Variants in SLCO5A1 observed in about 807,000 individuals in gnomAD.
The protein encoded by SLCO5A1 is solute carrier organic anion transporter family member 5A1.
In SLCO5A1, 39 loss-of-function variants were observed where a neutral mutation model predicts 65.1. The ratio of observed to expected loss-of-function variants is 0.60; its 90% CI spans 0.46 to 0.78. The LOEUF is 0.78. SLCO5A1 is among the 30% of genes least tolerant of loss of function. SLCO5A1 has a pLI of 0.00. For missense variants in SLCO5A1, 1,029 were observed against 1,069.4 expected, an observed-to-expected ratio of 0.96 and a Z score of 0.53; for synonymous variants, 438 against 415.7, an observed-to-expected ratio of 1.05 and a Z score of -0.65.
Position 69,832,989 on chromosome 8 carries a change from T to G in SLCO5A1, c.-316A>C. 1.7e-5 allele frequency: 6 copies of G among 354,946 alleles called. No individual in the cohort carries two copies. Among genetic ancestry groups the G allele is most frequent in the East Asian group, 6.0e-5 (1 of 16,620 alleles). 22.0% of individuals were successfully genotyped at this position (354,946 alleles called of 1,614,324 possible). On this transcript the variant is annotated 5_prime_UTR_variant, in exon 2 of 10. An upstream start codon of the reference 5' UTR is lost. Coordinates refer to ENST00000260126, the MANE Select transcript of SLCO5A1 (RefSeq NM_030958.3). This position sits in a 1 kb window ranked among gnomAD's most constrained non-coding sequence, Gnocchi z 4.5. ...AGGCGCCTCGCGCGTCCCGGGCTCA[T>G]CCCCTCCGCCGCCGCCGCCGCCGCC...
At chr8:69,815,802 GA>G (rs1347682275) in intron 2 of SLCO5A1, among the ~76,000 whole-genome samples, 6 of 151,834 alleles carry the variant, frequency 4.0e-5, no homozygotes. Context: ...ATTAACTAAA[GA>G]AACCATGAAA....
chr8:69,800,941 A>G (rs1213519804), intron 2 of SLCO5A1, among the ~76,000 whole-genome samples: 1 of 152,232 alleles, frequency 6.6e-6, no homozygotes, highest in African/African-American at 2.4e-5. Flanking sequence ...GCCAGAAAGT[A>G]CATTCCTACC....
chr8:69,795,055 A>G (rs552683708), intron 2 of SLCO5A1, among the ~76,000 whole-genome samples: 1 of 152,326 alleles, frequency 6.6e-6, no homozygotes, highest in South Asian at 2.1e-4. Context: ...CCTGTGATCC[A>G]ATTACTTCCC....
intron 5 of SLCO5A1, among the ~76,000 whole-genome samples, chr8:69,709,189 G>A (rs1586709334): frequency 6.6e-6 from 1 of 152,188 alleles, no homozygotes; most frequent in South Asian, 2.1e-4. Context: ...ATTAGACTGG[G>A]AACAAGGCAG....
At chr8:69,818,791 T>C (rs527853321) in intron 2 of SLCO5A1, among the ~76,000 whole-genome samples, 47 of 152,124 alleles carry the variant, frequency 3.1e-4, no homozygotes, top group Non-Finnish European at 6.0e-4. Context: ...AGAAGACATA[T>C]CTGTGGCACA....
chr8:69,670,278 G>T lies in SLCO5A1; in HGVS notation c.*2591C>A, dbSNP rs1169061044. 1.3e-5 allele frequency: 2 copies of T among 152,102 alleles called. No homozygotes were observed. The highest frequency in any genetic ancestry group is 2.9e-5 in the Non-Finnish European group (2 of 68,020). 9.4% of individuals were successfully genotyped at this position (152,102 alleles called of 1,614,324 possible). A position where few individuals can be genotyped will look rare whatever the true frequency, so the allele number is the denominator to read the frequency against. ...AGGAGCTGTGACTATAAAGTAATGG[G>T]ATCAATTTATTAAGAAACATATAAG... On this transcript the variant is annotated 3_prime_UTR_variant, in exon 10 of 10. Transcript: ENST00000260126.
chr8:69,743,960 C>G, intron 4 of SLCO5A1, among the ~76,000 whole-genome samples: 1 of 152,060 alleles, frequency 6.6e-6, no homozygotes, highest in East Asian at 1.9e-4. Flanking sequence ...GAACCTGGAG[C>G]CACAGTGGAG....
intron 2 of SLCO5A1, among the ~76,000 whole-genome samples, chr8:69,802,077 A>G (rs1426247482): frequency 1.3e-5 from 2 of 152,170 alleles, no homozygotes; most frequent in African/African-American, 4.8e-5. Flanking sequence ...ACATCAGTCT[A>G]CGAGGTGATT....
At chr8:69,780,599 T>A (rs557732320) in intron 2 of SLCO5A1, among the ~76,000 whole-genome samples, 3 of 152,232 alleles carry the variant, frequency 2.0e-5, no homozygotes, top group Admixed American at 2.0e-4. Flanking sequence ...AGCTAAATAA[T>A]GTGTACACAT....
At chr8:69,824,805 C>T (rs933426851) in intron 2 of SLCO5A1, among the ~76,000 whole-genome samples, 26 of 152,166 alleles carry the variant, frequency 1.7e-4, no homozygotes, top group Non-Finnish European at 3.2e-4. Context: ...GATACCAAAG[C>T]CTGGCAGAGA....
chr8:69,682,002 A>G (rs1044232175), intron 7 of SLCO5A1, among the ~76,000 whole-genome samples, 182 bp downstream of exon 7: 5 of 151,716 alleles, frequency 3.3e-5, no homozygotes, highest in African/African-American at 4.8e-5. Flanking sequence ...TCATCCCTGG[A>G]AAAAAAAATA....
intron 6 of SLCO5A1, among the ~76,000 whole-genome samples, chr8:69,694,937 A>T (rs1414769915): frequency 6.6e-6 from 1 of 152,178 alleles, no homozygotes; most frequent in Non-Finnish European, 1.5e-5. Flanking sequence ...AAAGATGTAA[A>T]TTTCCGTCGA....
At chr8:69,710,815 GAA>G (rs1815208253) in intron 5 of SLCO5A1, among the ~76,000 whole-genome samples, 2 of 152,270 alleles carry the variant, frequency 1.3e-5, no homozygotes, top group South Asian at 4.1e-4. Flanking sequence ...GAAGACCCAT[GAA>G]AATGTTCTTC....
At chr8:69,805,645 C>A (rs1485446077) in intron 2 of SLCO5A1, among the ~76,000 whole-genome samples, 1 of 152,112 alleles carries the variant, frequency 6.6e-6, no homozygotes, top group African/African-American at 2.4e-5. Context: ...ACTTAGATTG[C>A]CAAACCAGGC....
In SLCO5A1 at chr8:69,786,945, A is replaced by T. The variant is rs147500316; in HGVS notation, c.908-25070T>A. ...AATAATTTTGGAAGAAAGAGTGAAG[A>T]TGCATTTAAAATGTTAGTAGATTGA... On this transcript the variant is annotated intron_variant, in intron 2 of 9. Coordinates refer to ENST00000260126, the MANE Select transcript of SLCO5A1 (RefSeq NM_030958.3). 2.8e-3 allele frequency among the ~76,000 whole-genome samples: 422 copies of T among 152,336 alleles called. 3 individuals carry two copies. Among genetic ancestry groups the T allele is most frequent in the African/African-American group, 7.8e-3 (323 of 41,574 alleles).
intron 2 of SLCO5A1, among the ~76,000 whole-genome samples, chr8:69,787,569 T>C (rs911501655): frequency 1.3e-5 from 2 of 152,144 alleles, no homozygotes; most frequent in Admixed American, 6.6e-5. Context: ...TTATGTAACA[T>C]CCCAATGAAG....
At chr8:69,708,148 G>A (rs933982098) in intron 5 of SLCO5A1, among the ~76,000 whole-genome samples, 1 of 152,178 alleles carries the variant, frequency 6.6e-6, no homozygotes, top group Non-Finnish European at 1.5e-5. Flanking sequence ...AGCCACAGAG[G>A]CCAGAGGAAA....
At chr8:69,710,995 T>C (rs990840563) in intron 5 of SLCO5A1, among the ~76,000 whole-genome samples, 7 of 134,380 alleles carry the variant, frequency 5.2e-5, no homozygotes, top group African/African-American at 2.0e-4. Flanking sequence ...GGTCGGACAG[T>C]TCAGAGCCTT....
At chr8:69,680,374 G>A (rs939428162) in intron 7 of SLCO5A1, among the ~76,000 whole-genome samples, 3 of 152,172 alleles carry the variant, frequency 2.0e-5, no homozygotes, top group Non-Finnish European at 4.4e-5. Flanking sequence ...TTATAAGTGA[G>A]AACATGCGGT....
Sources: gnomAD v4.1 joint callset for allele counts (sites outside exome capture counted in the v4.1 genomes callset) on GRCh38, gnomAD v4.1.1 for gene constraint, Gnocchi (gnomAD v3.1) non-coding constraint, MANE v1.5 for transcripts, NCBI Gene and HGNC (gene_info 2026-07-23, HGNC 2026-07-21) for gene names.